TENM3: variants seen among roughly 807,000 people sequenced by gnomAD.
TENM3 encodes the protein teneurin-3.
A neutral mutation model predicts 255.1 loss-of-function variants in TENM3; 63 were observed. That is an observed-to-expected ratio of 0.25 (90% confidence interval 0.20 to 0.30). TENM3 has a LOEUF of 0.30. Among genes scored for constraint, TENM3 ranks in the 10% least tolerant of loss-of-function variants. The pLI, the probability that TENM3 is intolerant of heterozygous loss-of-function variation, is 1.00. For synonymous variants in TENM3, 1,306 were observed against 1,322.3 expected, an observed-to-expected ratio of 0.99 and a Z score of 0.27; for missense variants, 2,929 against 3,461.1, an observed-to-expected ratio of 0.85 and a Z score of 3.86.
At chr4:181,997,719 A>G in the TENM3 span, among the ~76,000 whole-genome samples, 1 of 152,230 alleles carries the variant, frequency 6.6e-6, no homozygotes, top group Non-Finnish European at 1.5e-5. Flanking sequence ...TGCAATGTAC[A>G]TCGTCAGCTC....
intron 1 of TENM3, among the ~76,000 whole-genome samples, chr4:182,179,727 G>T (rs1171995524): frequency 6.6e-6 from 1 of 152,146 alleles, no homozygotes; most frequent in Non-Finnish European, 1.5e-5. Context: ...AAGCATTTTT[G>T]TGTGTGTATT....
the TENM3 span, among the ~76,000 whole-genome samples, chr4:181,798,713 G>C: frequency 7.7e-4 from 117 of 152,158 alleles, no homozygotes; most frequent in African/African-American, 2.7e-3. Flanking sequence ...CTTCTTTATA[G>C]ATTTGGGTTA....
chr4:181,777,036 T>C, the TENM3 span, among the ~76,000 whole-genome samples: 2 of 152,162 alleles, frequency 1.3e-5, no homozygotes, highest in Non-Finnish European at 2.9e-5. Context: ...TTACCTATGC[T>C]TCCTTCTAGT....
At chr4:181,456,709 A>T in the TENM3 span, among the ~76,000 whole-genome samples, 3 of 151,898 alleles carry the variant, frequency 2.0e-5, no homozygotes, top group African/African-American at 7.2e-5. Flanking sequence ...TTAGAGGAGG[A>T]TTTAAAAATG....
the TENM3 span, among the ~76,000 whole-genome samples, chr4:181,562,801 A>T: frequency 6.6e-6 from 1 of 152,038 alleles, no homozygotes; most frequent in African/African-American, 2.4e-5. Context: ...CAGCCTCCCA[A>T]GTAGCTGGGA....
chr4:181,744,195 G>A, the TENM3 span, among the ~76,000 whole-genome samples: 2 of 152,160 alleles, frequency 1.3e-5, no homozygotes, highest in East Asian at 1.9e-4. Context: ...TGGTGTATAT[G>A]TACCACATTG....
the TENM3 span, among the ~76,000 whole-genome samples, chr4:181,818,111 T>C: frequency 6.6e-6 from 1 of 152,216 alleles, no homozygotes; most frequent in Admixed American, 6.5e-5. Context: ...TGTACTACTC[T>C]TCTGGGATTG....
chr4:182,761,642 A>T (rs1447609547), intron 22 of TENM3, among the ~76,000 whole-genome samples: 1 of 152,206 alleles, frequency 6.6e-6, no homozygotes, highest in East Asian at 1.9e-4. Context: ...ATATATCTTA[A>T]AATGGTGCTC....
rs147028641 is a variant in TENM3, at chr4:182,652,154, G to A, written c.989-1617G>A. ...CTAACTTTAATTCATTTATTTGACAGATACTTATTGAGACCTACTAGGTAT... is the reference window on the plus strand; with the variant it reads ...CTAACTTTAATTCATTTATTTGACAAATACTTATTGAGACCTACTAGGTAT... On this transcript the variant is annotated intron_variant, in intron 5 of 27. Coordinates refer to ENST00000511685, the MANE Select transcript of TENM3 (RefSeq NM_001080477.4). Among the ~76,000 whole-genome samples the A allele has an allele frequency of 1.5e-4, 23 of 152,220 alleles. No individual in the cohort carries two copies. The South Asian group carries it at 4.6e-3, about 30-fold the overall frequency.
intron 2 of TENM3, among the ~76,000 whole-genome samples, chr4:182,345,623 C>G (rs368715736): frequency 6.6e-6 from 1 of 152,244 alleles, no homozygotes; most frequent in East Asian, 1.9e-4. Flanking sequence ...GTATGCATGA[C>G]AAGCAAACAT....
intron 1 of TENM3, among the ~76,000 whole-genome samples, chr4:182,228,201 G>A (rs750309045): frequency 4.6e-5 from 7 of 151,620 alleles, no homozygotes; most frequent in Admixed American, 4.6e-4. Context: ...ATTGTGGTGG[G>A]GATTTTTGCT....
chr4:182,430,021 T>C (rs1051073891), intron 3 of TENM3, among the ~76,000 whole-genome samples: 7 of 152,258 alleles, frequency 4.6e-5, no homozygotes, highest in African/African-American at 1.7e-4. Context: ...GAAGCCTGTC[T>C]GACTCCTGCG....
intron 1 of TENM3, among the ~76,000 whole-genome samples, chr4:182,305,418 C>T (rs773738392): frequency 3.9e-5 from 6 of 152,056 alleles, no homozygotes; most frequent in South Asian, 4.2e-4. Flanking sequence ...ATGTTTATTT[C>T]GAAGTAGGCC....
the TENM3 span, among the ~76,000 whole-genome samples, chr4:181,775,482 T>A: frequency 1.3e-5 from 2 of 152,080 alleles, no homozygotes; most frequent in African/African-American, 4.8e-5. Flanking sequence ...TCTTTTTGGA[T>A]TGTTGGTTCC....
chr4:182,641,811 GCCAC>G (rs1752343158), intron 5 of TENM3, among the ~76,000 whole-genome samples: 1 of 152,220 alleles, frequency 6.6e-6, no homozygotes, highest in Non-Finnish European at 1.5e-5. Flanking sequence ...ACAGGCGCAA[GCCAC>G]CGCGCCTGGC....
At chr4:181,872,692 T>G in the TENM3 span, among the ~76,000 whole-genome samples, 2 of 152,230 alleles carry the variant, frequency 1.3e-5, no homozygotes, top group African/African-American at 4.8e-5. Context: ...TCAGATTTTT[T>G]TCTTGATCAG....
chr4:181,671,549 C>T, the TENM3 span, among the ~76,000 whole-genome samples: 1 of 152,122 alleles, frequency 6.6e-6, no homozygotes, highest in African/African-American at 2.4e-5. Flanking sequence ...ACCTGCCTCA[C>T]AGAGTCAGTA....
chr4:181,976,486 C>G, the TENM3 span: 1 of 152,212 alleles, frequency 6.6e-6, no homozygotes, highest in Non-Finnish European at 1.5e-5. Flanking sequence ...CTCACATTCA[C>G]AGGTACTAGG....
chr4:182,091,863 G>C, the TENM3 span, among the ~76,000 whole-genome samples: 1 of 152,194 alleles, frequency 6.6e-6, no homozygotes, highest in Non-Finnish European at 1.5e-5. Flanking sequence ...GGGTGGGCTT[G>C]AAGCTGAGAG....
Sources: allele counts gnomAD v4.1 joint callset (sites outside exome capture counted in the v4.1 genomes callset), GRCh38; gene constraint gnomAD v4.1.1; transcripts MANE v1.5; gene names NCBI Gene and HGNC (gene_info 2026-07-23, HGNC 2026-07-21).